The following FAT3 variants were observed in gnomAD, a reference collection of about 807,000 sequenced individuals.
FAT3 encodes the protein protocadherin Fat 3.
A neutral mutation model predicts 310.2 loss-of-function variants in FAT3; 95 were observed. The ratio of observed to expected loss-of-function variants is 0.31; its 90% CI spans 0.26 to 0.36. The LOEUF is 0.36. Ranked by LOEUF, FAT3 falls within the 10% of genes least tolerant of loss-of-function variation. FAT3 has a pLI of 1.00. For missense variants in FAT3, 5,408 were observed against 5,715.6 expected, an observed-to-expected ratio of 0.95 and a Z score of 1.74; for synonymous variants, 2,314 against 2,192.9, an observed-to-expected ratio of 1.06 and a Z score of -1.54.
intron 9 of FAT3, among the ~76,000 whole-genome samples, chr11:92,796,092 A>C (rs898905939): frequency 1.3e-5 from 2 of 151,942 alleles, no homozygotes; most frequent in African/African-American, 4.8e-5. Flanking sequence ...AGCATTCATC[A>C]GTCAGGGTTG....
intron 3 of FAT3, among the ~76,000 whole-genome samples, chr11:92,665,202 G>A (rs947744227): frequency 6.6e-6 from 1 of 152,152 alleles, no homozygotes; most frequent in African/African-American, 2.4e-5. Flanking sequence ...TCCCACAAAT[G>A]CACGTTGGCA....
At chr11:92,634,951 C>T (rs778512581) in intron 3 of FAT3, among the ~76,000 whole-genome samples, 1 of 152,190 alleles carries the variant, frequency 6.6e-6, no homozygotes, top group Admixed American at 6.5e-5. Context: ...CCCTCTTTCC[C>T]TCTGAGCACC....
rs529264511 is a variant in FAT3 at position 92,282,436 on chromosome 11, G to A, written c.-18+57262G>A. ...TCTCAGCACTTTGGGAGGCCGAGGC[G>A]GATGGATCACCTGAGGTCAGGCGTT... On this transcript the variant is annotated intron_variant, in intron 1 of 27. Transcript: ENST00000525166. Among the ~76,000 whole-genome samples, 28 of 152,138 alleles carry A rather than the reference G, an allele frequency of 1.8e-4. No individual in the cohort carries two copies. In the East Asian group the frequency reaches 3.3e-3, roughly 18 times the overall value.
intron 7 of FAT3, among the ~76,000 whole-genome samples, chr11:92,778,681 G>T (rs975845833): frequency 6.6e-6 from 1 of 152,110 alleles, no homozygotes. Context: ...AAATGGTTAA[G>T]ATAAACTAAC....
intron 2 of FAT3, among the ~76,000 whole-genome samples, chr11:92,438,075 T>C (rs1950983467): frequency 6.6e-6 from 1 of 152,208 alleles, no homozygotes; most frequent in African/African-American, 2.4e-5. Flanking sequence ...CTGGCAATTG[T>C]GATTTTAGAA....
In FAT3 at chr11:92,756,916, AT is replaced by A. The variant is rs34317439; in HGVS notation, c.3670-4914del. On this transcript the variant is annotated intron_variant, in intron 4 of 27. Coordinates refer to ENST00000525166, the MANE Select transcript of FAT3 (RefSeq NM_001367949.2). Reference sequence around the variant, plus strand: ...AGACCAATGAACTATTTGTGGCTCCATTTTTTTTTTTTTTTTTTTTTTTTTT... The same window carrying A: ...AGACCAATGAACTATTTGTGGCTCCATTTTTTTTTTTTTTTTTTTTTTTTT... Among the ~76,000 whole-genome samples, 666 of 90,260 alleles carry A rather than the reference AT, an allele frequency of 7.4e-3. 5 individuals are homozygous for A. Among genetic ancestry groups the A allele is most frequent in the African/African-American group, 0.023 (485 of 20,828 alleles). 59.2% of individuals were successfully genotyped at this position (90,260 alleles called of 152,430 possible). A position where few individuals can be genotyped will look rare whatever the true frequency, so the allele number is the denominator to read the frequency against.
At chr11:92,842,919 T>C (rs1358401486) in intron 18 of FAT3, among the ~76,000 whole-genome samples, 1 of 152,070 alleles carries the variant, frequency 6.6e-6, no homozygotes, top group African/African-American at 2.4e-5. Flanking sequence ...AAAATAACAA[T>C]CACATGAAAC....
chr11:92,705,565 G>A (rs1944276669), intron 4 of FAT3, among the ~76,000 whole-genome samples: 1 of 28,378 alleles, frequency 3.5e-5, no homozygotes, highest in African/African-American at 1.3e-4. Context: ...GTGTGATGGT[G>A]GTGGTGGTGG....
At chr11:92,570,200 C>T (rs1240128405) in intron 3 of FAT3, among the ~76,000 whole-genome samples, 1 of 152,182 alleles carries the variant, frequency 6.6e-6, no homozygotes, top group African/African-American at 2.4e-5. Context: ...GAGCCTCATT[C>T]CCTCACAGTG....
intron 3 of FAT3, among the ~76,000 whole-genome samples, chr11:92,533,737 A>G (rs1025380901): frequency 1.3e-5 from 2 of 152,162 alleles, no homozygotes; most frequent in South Asian, 4.2e-4. Context: ...TAGGAGGAGA[A>G]TTGTGTTGTT....
At chr11:92,789,853 G>A in intron 7 of FAT3, 90 bp from the exon 8 acceptor site, 1 of 1,370,200 alleles carries the variant, frequency 7.3e-7, no homozygotes, top group Non-Finnish European at 1.0e-6. Context: ...CCAAGGACGG[G>A]GAAGCGGGGA....
In FAT3 at chr11:92,896,237, T is replaced by C. The variant is rs1950029361; in HGVS notation, c.*5124T>C. 6.6e-6 allele frequency: 1 copy of C among 151,496 alleles called. No individual in the cohort carries two copies. The highest frequency in any genetic ancestry group is 1.5e-5 in the Non-Finnish European group (1 of 67,960). The allele number at this position is 151,496 out of a possible 1,614,324, so 9.4% of individuals were successfully genotyped here. A position where few individuals can be genotyped will look rare whatever the true frequency, so the allele number is the denominator to read the frequency against. Reference sequence around the variant, plus strand: ...AAGCTAACACTTAGAGTGGATTTTGTCCCTTAAGGAAATGGATTGTTCCTG... The same window carrying C: ...AAGCTAACACTTAGAGTGGATTTTGCCCCTTAAGGAAATGGATTGTTCCTG... On this transcript the variant is annotated 3_prime_UTR_variant, in exon 28 of 28. Coordinates refer to ENST00000525166, the MANE Select transcript of FAT3 (RefSeq NM_001367949.2).
intron 1 of FAT3, among the ~76,000 whole-genome samples, chr11:92,338,059 A>C (rs1028537607): frequency 3.3e-5 from 5 of 152,166 alleles, no homozygotes; most frequent in Non-Finnish European, 4.4e-5. Context: ...CTTGGGTGGA[A>C]TAGTTTGGTA....
intron 1 of FAT3, among the ~76,000 whole-genome samples, chr11:92,333,349 T>C (rs1416947001): frequency 6.6e-6 from 1 of 152,186 alleles, no homozygotes; most frequent in Non-Finnish European, 1.5e-5. Context: ...AGATTCTCCT[T>C]AAGTCATATT....
At chr11:92,542,161 GTC>G (rs965418005) in intron 3 of FAT3, among the ~76,000 whole-genome samples, 1 of 151,914 alleles carries the variant, frequency 6.6e-6, no homozygotes, top group African/African-American at 2.4e-5. Context: ...CTAGACCCCT[GTC>G]TCTCACCATA....
intron 2 of FAT3, among the ~76,000 whole-genome samples, chr11:92,373,972 A>AG (rs1168594468): frequency 6.6e-6 from 1 of 151,720 alleles, no homozygotes; most frequent in Non-Finnish European, 1.5e-5. Context: ...CCTCAAAACC[A>AG]GGGGAGACTA....
intron 2 of FAT3, among the ~76,000 whole-genome samples, chr11:92,468,181 G>A (rs937485520): frequency 6.6e-6 from 1 of 152,148 alleles, no homozygotes; most frequent in African/African-American, 2.4e-5. Flanking sequence ...AGTTTTCAGA[G>A]CTTTTGAGAT....
intron 3 of FAT3, among the ~76,000 whole-genome samples, chr11:92,572,720 T>C (rs1938246730): frequency 6.6e-6 from 1 of 152,214 alleles, no homozygotes; most frequent in African/African-American, 2.4e-5. Flanking sequence ...GCTGAATGGG[T>C]AAGTTGTCCT....
At chr11:92,411,927 A>G (rs1950278899) in intron 2 of FAT3, among the ~76,000 whole-genome samples, 1 of 151,942 alleles carries the variant, frequency 6.6e-6, no homozygotes. Flanking sequence ...ATCTTCATTC[A>G]TCAGCCTTTT....
Sources: gnomAD v4.1 joint callset for allele counts (sites outside exome capture counted in the v4.1 genomes callset) on GRCh38, gnomAD v4.1.1 for gene constraint, MANE v1.5 for transcripts, NCBI Gene and HGNC (gene_info 2026-07-23, HGNC 2026-07-21) for gene names.